ARMC3: variants seen among roughly 807,000 people sequenced by gnomAD.
ARMC3 encodes the protein armadillo repeat-containing protein 3.
In ARMC3, 74 loss-of-function variants were observed where a neutral mutation model predicts 90.3. The ratio of observed to expected loss-of-function variants is 0.82; its 90% CI spans 0.68 to 0.99. The LOEUF is 0.99. Ranked by LOEUF, ARMC3 falls within the 50% of genes least tolerant of loss-of-function variation. The pLI is 0.00. For synonymous variants in ARMC3, 334 were observed against 361.8 expected, an observed-to-expected ratio of 0.92 and a Z score of 0.87; for missense variants, 958 against 1,042.8, an observed-to-expected ratio of 0.92 and a Z score of 1.12.
intron 10 of ARMC3, among the ~76,000 whole-genome samples, chr10:22,994,221 G>A (rs890746460): frequency 6.6e-6 from 1 of 152,226 alleles, no homozygotes; most frequent in Non-Finnish European, 1.5e-5. Context: ...TGGGGGAAGA[G>A]GATGTCAGGA....
chr10:22,954,303 A>C (rs926566799), intron 3 of ARMC3, among the ~76,000 whole-genome samples: 1 of 152,114 alleles, frequency 6.6e-6, no homozygotes, highest in Non-Finnish European at 1.5e-5. Context: ...TTTTCTCACA[A>C]TTTGTAGAAT....
chr10:22,930,454 A>G (rs946436835), intron 1 of ARMC3, among the ~76,000 whole-genome samples: 5 of 152,194 alleles, frequency 3.3e-5, no homozygotes, highest in Non-Finnish European at 2.9e-5. Context: ...AAAAGTTTTT[A>G]TGATGCAAAT....
intron 1 of ARMC3, among the ~76,000 whole-genome samples, chr10:22,931,038 G>A (rs1354042027): frequency 6.6e-6 from 1 of 151,634 alleles, no homozygotes; most frequent in Non-Finnish European, 1.5e-5. Flanking sequence ...AGTGATTCTT[G>A]TGCCTCAGCC....
intron 10 of ARMC3, 86 bp downstream of exon 10, chr10:22,981,786 G>C: frequency 8.9e-7 from 1 of 1,126,034 alleles, no homozygotes; most frequent in South Asian, 1.4e-5. Context: ...TGACTTTCAC[G>C]ATAGTCTATG....
At position 22,950,542 on chromosome 10, in the gene ARMC3, T is replaced by C. The variant is rs190672223; in HGVS notation, c.166+4281T>C. Among the ~76,000 whole-genome samples the C allele has an allele frequency of 2.3e-3, 344 of 151,994 alleles. 1 individual carries two copies. Among genetic ancestry groups the C allele is most frequent in the African/African-American group, 8.0e-3 (333 of 41,448 alleles). The stretch of plus-strand genomic sequence containing the variant: ...GAATCAGTAATATTCACAGAATACA[T>C]AGAAAAGAAGGCTGAATATGAAGAA... On this transcript the variant is annotated intron_variant, in intron 3 of 18. Coordinates refer to ENST00000298032, the MANE Select transcript of ARMC3 (RefSeq NM_173081.5).
At chr10:22,936,228 G>A (rs1331390363) in intron 2 of ARMC3, among the ~76,000 whole-genome samples, 5 of 152,238 alleles carry the variant, frequency 3.3e-5, no homozygotes, top group Middle Eastern at 3.4e-3. Context: ...AGGCTGAGGC[G>A]GGAGGATCGC....
In ARMC3 at chr10:23,037,731, G is replaced by A. The variant is rs759136060; in HGVS notation, c.*252G>A. ...CCCTCACATAAAGCTGATTGTTGTC[G>A]AAATTCATCCAGCCCACTGTGTCCT... is the stretch of plus-strand genomic sequence containing the variant. On this transcript the variant is annotated 3_prime_UTR_variant, in exon 19 of 19. Coordinates refer to ENST00000298032, the MANE Select transcript of ARMC3 (RefSeq NM_173081.5). 1.3e-4 allele frequency: 49 copies of A among 389,930 alleles called. No homozygotes were observed. The highest frequency in any genetic ancestry group is 1.9e-4 in the Non-Finnish European group (40 of 215,858). The allele number at this position is 389,930 out of a possible 1,614,324, so 24.2% of individuals were successfully genotyped here. A position where few individuals can be genotyped will look rare whatever the true frequency, so the allele number is the denominator to read the frequency against.
chr10:22,952,784 T>A (rs1054566595), intron 3 of ARMC3, among the ~76,000 whole-genome samples: 1 of 152,142 alleles, frequency 6.6e-6, no homozygotes, highest in African/African-American at 2.4e-5. Context: ...TAAACAAAAG[T>A]TAGCAAATTA....
chr10:22,936,756 C>T (rs1305068390), intron 2 of ARMC3, among the ~76,000 whole-genome samples: 1 of 152,126 alleles, frequency 6.6e-6, no homozygotes, highest in South Asian at 2.1e-4. Flanking sequence ...AAAAAAATTA[C>T]TATAATGGTG....
chr10:23,017,101 AAG>A (rs1409449166), intron 16 of ARMC3, among the ~76,000 whole-genome samples: 20 of 152,136 alleles, frequency 1.3e-4, no homozygotes, highest in Admixed American at 1.3e-3. Flanking sequence ...AAATAAGAGA[AAG>A]GGGTTAAGAT....
chr10:23,013,781 T>C (rs1007980264), intron 16 of ARMC3, among the ~76,000 whole-genome samples: 2 of 152,192 alleles, frequency 1.3e-5, no homozygotes, highest in Admixed American at 6.5e-5. Context: ...ATCTCTTCCA[T>C]AGCCTGCACT....
rs1288024777 is a variant in ARMC3, at chr10:22,992,421, T to TG, written c.1176-5727_1176-5726insG. On this transcript the variant is annotated intron_variant, in intron 10 of 18. Coordinates refer to ENST00000298032, the MANE Select transcript of ARMC3 (RefSeq NM_173081.5). ...TCGGTTTCACATATTTCCTAGCATT[T>TG]TGCGGGGGGCATTTTTCTTATTTTG... Among the ~76,000 whole-genome samples, 136 of 151,026 alleles carry TG rather than the reference T, an allele frequency of 9.0e-4. 1 individual carries two copies. Among genetic ancestry groups the TG allele is most frequent in the East Asian group, 1.7e-3 (9 of 5,150 alleles).
chr10:23,000,463 T>C (rs377653328), intron 11 of ARMC3, among the ~76,000 whole-genome samples: 1 of 152,198 alleles, frequency 6.6e-6, no homozygotes, highest in African/African-American at 2.4e-5. Context: ...TGTAAAAGAC[T>C]ACAAGCTCCT....
intron 16 of ARMC3, among the ~76,000 whole-genome samples, chr10:23,011,786 C>T (rs1838025460): frequency 6.6e-6 from 1 of 151,994 alleles, no homozygotes; most frequent in Admixed American, 6.6e-5. Flanking sequence ...AAAAGCCTGG[C>T]AGCAATCAAA....
At chr10:22,974,790 G>A (rs534310352) in intron 8 of ARMC3, among the ~76,000 whole-genome samples, 27 of 152,112 alleles carry the variant, frequency 1.8e-4, no homozygotes, top group African/African-American at 4.6e-4. Context: ...TTATAGGTGC[G>A]TGCCATCATG....
intron 16 of ARMC3, among the ~76,000 whole-genome samples, chr10:23,028,574 A>G (rs1425708943): frequency 6.6e-6 from 1 of 152,148 alleles, no homozygotes; most frequent in African/African-American, 2.4e-5. Flanking sequence ...TTTACATTCT[A>G]AGAATATTCC....
At chr10:23,024,435 T>C (rs1186790244) in intron 16 of ARMC3, among the ~76,000 whole-genome samples, 3 of 152,018 alleles carry the variant, frequency 2.0e-5, no homozygotes, top group Non-Finnish European at 1.5e-5. Context: ...GATAGATAGA[T>C]ACCTCCATGC....
rs770918945 is a variant in ARMC3, at chr10:23,006,893, G to A, written c.1741G>A (p.Gly581Ser). The change falls in exon 14 of 19, where the codon GGC becomes AGC. Residue 581 changes from glycine to serine, a missense_variant. Physicochemically the swap from Gly to Ser is moderately conservative, Grantham distance 56 (BLOSUM62 0). Transcript: ENST00000298032. ...GFYDYGRINP[G>S]TKLLPLKELC... ...TTAAATTATCTCACAGATAAATCCCGGCACCAAACTGTTGCCTTTGAAGGA... is the reference window on the plus strand; with the variant it reads ...TTAAATTATCTCACAGATAAATCCCAGCACCAAACTGTTGCCTTTGAAGGA... 30 of 1,613,652 alleles carry A rather than the reference G, an allele frequency of 1.9e-5. No individual in the cohort carries two copies. Among genetic ancestry groups the A allele is most frequent in the Admixed American group, 8.3e-5 (5 of 59,978 alleles).
At chr10:23,032,757 C>G in intron 17 of ARMC3, 104 bp from the exon 18 acceptor site, 9 of 1,216,996 alleles carry the variant, frequency 7.4e-6, no homozygotes, top group Non-Finnish European at 1.0e-5. Flanking sequence ...ACAAAAATCA[C>G]AGCAAATGTC....
Sources: allele counts gnomAD v4.1 joint callset (sites outside exome capture counted in the v4.1 genomes callset), GRCh38; gene constraint gnomAD v4.1.1; transcripts MANE v1.5; gene names NCBI Gene and HGNC (gene_info 2026-07-23, HGNC 2026-07-21).